CAST: variants seen among roughly 807,000 people sequenced by gnomAD.
CAST encodes calpastatin, also known as MIR583 host.
In CAST, 76 loss-of-function variants were observed where a neutral mutation model predicts 119.6. The ratio of observed to expected loss-of-function variants is 0.64; its 90% CI spans 0.53 to 0.77. The LOEUF is 0.77. Among genes scored for constraint, CAST ranks in the 30% least tolerant of loss-of-function variants. The pLI is 0.00. For missense variants in CAST, 953 were observed against 946.5 expected (o/e 1.01, Z -0.09); for synonymous variants, 319 against 331.6 (o/e 0.96, Z 0.41).
At chr5:96,491,580 T>C in the CAST span, among the ~76,000 whole-genome samples, 1 of 147,002 alleles carries the variant, frequency 6.8e-6, no homozygotes, top group Non-Finnish European at 1.5e-5. Context: ...CATGTGGCAA[T>C]GTAAATAGAA....
chr5:96,136,085 G>A, the CAST span, among the ~76,000 whole-genome samples: 1 of 152,020 alleles, frequency 6.6e-6, no homozygotes, highest in Non-Finnish European at 1.5e-5. Context: ...TCTTTTTGAG[G>A]GTCCAATGTC....
At chr5:96,157,525 A>G in the CAST span, among the ~76,000 whole-genome samples, 1 of 152,244 alleles carries the variant, frequency 6.6e-6, no homozygotes, top group Non-Finnish European at 1.5e-5. Context: ...CCTAGCATAG[A>G]TCTCCCTTAC....
At chr5:96,484,052 C>T in the CAST span, among the ~76,000 whole-genome samples, 5 of 152,170 alleles carry the variant, frequency 3.3e-5, no homozygotes, top group Non-Finnish European at 7.3e-5. Context: ...GTACTCCAAA[C>T]TTCAGAACCT....
At chr5:96,645,590 T>C (rs1004182103) in intron 1 of CAST, among the ~76,000 whole-genome samples, 4 of 152,162 alleles carry the variant, frequency 2.6e-5, no homozygotes, top group African/African-American at 9.6e-5. Context: ...TTTTGGATTC[T>C]AATGGTTTGG....
chr5:96,585,634 T>C (rs1191739812), intron 1 of CAST, among the ~76,000 whole-genome samples: 1 of 152,186 alleles, frequency 6.6e-6, no homozygotes, highest in Non-Finnish European at 1.5e-5. Context: ...GCACCCAGCA[T>C]TCTCTTGCTG....
At chr5:96,511,538 A>G in the CAST span, among the ~76,000 whole-genome samples, 5 of 152,192 alleles carry the variant, frequency 3.3e-5, no homozygotes, top group Non-Finnish European at 7.3e-5. Context: ...CTATTTCTGC[A>G]TGCCACCACC....
At chr5:96,692,640 G>A (rs539309428) in intron 2 of CAST, among the ~76,000 whole-genome samples, 1 of 152,126 alleles carries the variant, frequency 6.6e-6, no homozygotes, top group East Asian at 1.9e-4. Context: ...ATATATACAC[G>A]ATTGGTTTCC....
chr5:96,748,576 G>A lies in CAST; in HGVS notation c.1391G>A (p.Cys464Tyr). Residue 464 changes from cysteine (C) to tyrosine (Y), a missense_variant, in exon 19 of 32, where the codon TGT becomes TAT. Cys to Tyr is a radical substitution (Grantham distance 194, BLOSUM62 -2). Coordinates refer to ENST00000675179, the MANE Select transcript of CAST (RefSeq NM_001750.7). ...ELSEDFDRSE[C>Y]KEKPSKPTEK... The stretch of plus-strand genomic sequence containing the variant: ...TCAGAAGATTTTGACCGGTCTGAAT[G>A]TAAAGAGAAACCATCTAAGCCAACT... 6.4e-7 allele frequency: 1 copy of A among 1,574,594 alleles called. No individual in the cohort carries two copies. The highest frequency in any genetic ancestry group is 8.7e-7 in the Non-Finnish European group (1 of 1,144,324).
At chr5:96,278,908 T>C in the CAST span, among the ~76,000 whole-genome samples, 2 of 152,218 alleles carry the variant, frequency 1.3e-5, no homozygotes, top group Non-Finnish European at 2.9e-5. Context: ...TCATATCCTA[T>C]AGCTTAAAAA....
intron 2 of CAST, among the ~76,000 whole-genome samples, chr5:96,682,968 A>G (rs1281333172): frequency 6.6e-6 from 1 of 151,952 alleles, no homozygotes; most frequent in African/African-American, 2.4e-5. Flanking sequence ...CCTGCGCACA[A>G]CCCATCCTCC....
the CAST span, among the ~76,000 whole-genome samples, chr5:96,203,958 C>A: frequency 6.6e-6 from 1 of 151,834 alleles, no homozygotes; most frequent in African/African-American, 2.4e-5. Context: ...GTGGAAGAAA[C>A]CTAGGAGGAG....
the CAST span, among the ~76,000 whole-genome samples, chr5:96,272,130 C>T: frequency 6.8e-4 from 103 of 152,136 alleles, no homozygotes; most frequent in African/African-American, 2.4e-3. Flanking sequence ...CAAAGATGTG[C>T]AGAAAGGGAG....
the CAST span, chr5:96,432,883 C>T: frequency 6.2e-7 from 1 of 1,613,944 alleles, no homozygotes; most frequent in Non-Finnish European, 8.5e-7. Context: ...AGGTCATAGC[C>T]CAGCTCCTCG....
chr5:96,498,421 G>A, the CAST span, among the ~76,000 whole-genome samples: 29 of 152,246 alleles, frequency 1.9e-4, no homozygotes, highest in Admixed American at 1.6e-3. Flanking sequence ...AGCTTGATGG[G>A]GATGGCATTG....
At chr5:96,050,654 G>A in the CAST span, among the ~76,000 whole-genome samples, 3 of 152,224 alleles carry the variant, frequency 2.0e-5, no homozygotes, top group Non-Finnish European at 4.4e-5. Flanking sequence ...CTATTTGGGG[G>A]AGCAGCTGCT....
intron 3 of CAST, among the ~76,000 whole-genome samples, chr5:96,716,520 G>A (rs1443501085): frequency 1.3e-5 from 2 of 152,148 alleles, no homozygotes; most frequent in African/African-American, 2.4e-5. Context: ...TTAAGGCTCC[G>A]GGGATGGGGA....
At chr5:96,599,317 C>G (rs1056547291) in intron 1 of CAST, among the ~76,000 whole-genome samples, 7 of 152,108 alleles carry the variant, frequency 4.6e-5, no homozygotes, top group Non-Finnish European at 1.0e-4. Flanking sequence ...CACTGTTGGT[C>G]CCCAGTGCTG....
chr5:96,041,209 C>T, the CAST span, among the ~76,000 whole-genome samples: 12 of 152,144 alleles, frequency 7.9e-5, no homozygotes, highest in East Asian at 2.1e-3. Context: ...AGATCAAGGC[C>T]ATTATCAACA....
intron 1 of CAST, among the ~76,000 whole-genome samples, chr5:96,610,959 C>T (rs1171721334): frequency 6.6e-6 from 1 of 151,960 alleles, no homozygotes; most frequent in African/African-American, 2.4e-5. Flanking sequence ...GTTAGGAATG[C>T]GTCTAACCGT....
Sources: allele counts gnomAD v4.1 joint callset (sites outside exome capture counted in the v4.1 genomes callset), GRCh38; gene constraint gnomAD v4.1.1; transcripts MANE v1.5; gene names NCBI Gene and HGNC (gene_info 2026-07-23, HGNC 2026-07-21).